CAMTA1: variants seen among roughly 807,000 people sequenced by gnomAD.
CAMTA1 encodes the protein calmodulin binding transcription activator 1, also known as calmodulin-binding transcription activator 1.
In CAMTA1, 27 loss-of-function variants were observed where a neutral mutation model predicts 170.9. The observed-to-expected ratio is 0.16, with a 90% CI of 0.12 to 0.22. CAMTA1 has a LOEUF of 0.22. Ranked by LOEUF, CAMTA1 falls within the 10% of genes least tolerant of loss-of-function variation. The pLI, the probability that CAMTA1 is intolerant of heterozygous loss-of-function variation, is 1.00. For synonymous variants in CAMTA1, 833 were observed against 891.5 expected (o/e 0.93, Z 1.17); for missense variants, 1,619 against 2,217.2 (o/e 0.73, Z 5.42).
At chr1:7,713,446 C>G (rs2096586417) in intron 11 of CAMTA1, among the ~76,000 whole-genome samples, 1 of 152,078 alleles carries the variant, frequency 6.6e-6, no homozygotes, top group Admixed American at 6.6e-5. Context: ...CCCCAGCCCC[C>G]ACCCCACAAA....
chr1:7,490,406 C>T (rs2093684622), intron 6 of CAMTA1, among the ~76,000 whole-genome samples: 1 of 152,218 alleles, frequency 6.6e-6, no homozygotes, highest in South Asian at 2.1e-4. Context: ...AATCCCAGCA[C>T]TTTGGGAGGC....
intron 4 of CAMTA1, among the ~76,000 whole-genome samples, chr1:7,190,361 C>A (rs895556701): frequency 2.6e-5 from 4 of 152,168 alleles, no homozygotes; most frequent in African/African-American, 9.7e-5. Context: ...TCTATGTACA[C>A]ATATCTCTGT....
Position 6,919,024 on chromosome 1 carries a change from G to T in CAMTA1, c.234+93814G>T, listed in dbSNP as rs1681421669. On this transcript the variant is annotated intron_variant, in intron 3 of 22. Transcript: ENST00000303635. ...CCATTTTTGAAATGAAGCCCACAGT[G>T]GTTTTGGGCTGGCGTCTTTCTGTTT... Among the ~76,000 whole-genome samples the T allele has an allele frequency of 2.0e-5, 3 of 152,140 alleles. No homozygotes were observed. The South Asian group carries it at 6.2e-4, about 32-fold the overall frequency.
At chr1:7,096,965 C>G (rs1642158686) in intron 4 of CAMTA1, among the ~76,000 whole-genome samples, 1 of 152,170 alleles carries the variant, frequency 6.6e-6, no homozygotes, top group South Asian at 2.1e-4. Context: ...CTAGGTACTG[C>G]TACAACTGGG....
intron 6 of CAMTA1, among the ~76,000 whole-genome samples, chr1:7,599,317 G>C (rs1443729266): frequency 6.6e-6 from 1 of 152,226 alleles, no homozygotes; most frequent in East Asian, 1.9e-4. Context: ...TTTGGTACCA[G>C]TACCATGCTG....
chr1:7,241,173 GA>G (rs1358732389), intron 4 of CAMTA1, among the ~76,000 whole-genome samples: 2 of 152,104 alleles, frequency 1.3e-5, no homozygotes, highest in African/African-American at 4.8e-5. Flanking sequence ...AATAAATTGA[GA>G]AAACAATTTC....
intron 4 of CAMTA1, among the ~76,000 whole-genome samples, chr1:7,247,789 C>T (rs983184758): frequency 2.6e-5 from 4 of 152,078 alleles, no homozygotes; most frequent in African/African-American, 4.8e-5. Flanking sequence ...GGGGCTGAAG[C>T]GGGAAGAGGC....
Position 7,738,131 on chromosome 1 carries a change from T to C in CAMTA1, c.3831T>C (p.Pro1277=). Residue 1277 remains proline (P), a synonymous_variant, in exon 16 of 23, where the codon CCT becomes CCC. Transcript: ENST00000303635. This position sits in a 1 kb window ranked among gnomAD's most constrained non-coding sequence, Gnocchi z 4.9. ...AGCCAAATATCAGGAAGCAAAGCCC[T>C]AGTTCTAAGCAGTCTGTCCCCGAGA... is the stretch of plus-strand genomic sequence containing the variant. The part of the protein sequence containing the change: ...LEEPNIRKQS[P]SSKQSVPETL... 1 of 1,614,106 alleles carries C rather than the reference T, an allele frequency of 6.2e-7. No individual in the cohort carries two copies. The highest frequency in any genetic ancestry group is 8.5e-7 in the Non-Finnish European group (1 of 1,180,006).
At chr1:7,713,104 G>A (rs1353134593) in intron 11 of CAMTA1, among the ~76,000 whole-genome samples, 3 of 152,198 alleles carry the variant, frequency 2.0e-5, no homozygotes, top group African/African-American at 4.8e-5. Context: ...TCTGTCAAAG[G>A]TTGTCTGAAG....
intron 5 of CAMTA1, among the ~76,000 whole-genome samples, chr1:7,336,750 C>T (rs1208496332): frequency 1.3e-5 from 2 of 152,128 alleles, no homozygotes; most frequent in African/African-American, 4.8e-5. Flanking sequence ...TTTCACGTCC[C>T]GAGGTGGGCA....
At chr1:7,513,109 A>G (rs967856832) in intron 6 of CAMTA1, among the ~76,000 whole-genome samples, 4 of 151,922 alleles carry the variant, frequency 2.6e-5, no homozygotes, top group African/African-American at 9.7e-5. Context: ...ATAGGGGAAA[A>G]GGGGAGACCA....
intron 3 of CAMTA1, among the ~76,000 whole-genome samples, chr1:6,836,782 T>C (rs1275834744): frequency 6.6e-6 from 1 of 152,096 alleles, no homozygotes; most frequent in Non-Finnish European, 1.5e-5. Context: ...GAAAAGTCAT[T>C]TGACCTAGGC....
intron 5 of CAMTA1, among the ~76,000 whole-genome samples, chr1:7,462,922 G>A (rs1268860124): frequency 2.0e-5 from 3 of 152,222 alleles, no homozygotes; most frequent in Non-Finnish European, 2.9e-5. Context: ...CCACTGTCTC[G>A]CTCTGATGAG....
chr1:7,587,968 T>C (rs1016618263), intron 6 of CAMTA1, among the ~76,000 whole-genome samples: 6 of 152,160 alleles, frequency 3.9e-5, no homozygotes, highest in African/African-American at 1.2e-4. Flanking sequence ...CAGCTGTAGC[T>C]TCTGGGAGAA....
chr1:7,199,273 G>A (rs1190390106), intron 4 of CAMTA1, among the ~76,000 whole-genome samples: 1 of 152,202 alleles, frequency 6.6e-6, no homozygotes. Flanking sequence ...GTCTGACTGT[G>A]GGAAGCAAGC....
intron 11 of CAMTA1, chr1:7,700,824 T>C (rs1008974997): frequency 2.0e-5 from 3 of 152,234 alleles, no homozygotes; most frequent in Admixed American, 1.3e-4. Context: ...CAACCAGAGA[T>C]ATTTGGTATA....
intron 3 of CAMTA1, among the ~76,000 whole-genome samples, chr1:6,875,822 A>T (rs1420600008): frequency 6.6e-6 from 1 of 152,230 alleles, no homozygotes; most frequent in African/African-American, 2.4e-5. Context: ...TTCTAGAGAG[A>T]TGGATAGGTT....
intron 6 of CAMTA1, among the ~76,000 whole-genome samples, chr1:7,638,511 G>A (rs538078927): frequency 6.0e-4 from 91 of 152,174 alleles, no homozygotes; most frequent in African/African-American, 2.0e-3. Context: ...CTGTGGTGGC[G>A]TGCACGTGTA....
chr1:7,171,427 T>C (rs1332854076), intron 4 of CAMTA1, among the ~76,000 whole-genome samples: 2 of 152,216 alleles, frequency 1.3e-5, no homozygotes, highest in Non-Finnish European at 2.9e-5. Flanking sequence ...GCTCAAATGT[T>C]ACCTCCTATT....
Sources: allele counts gnomAD v4.1 joint callset (sites outside exome capture counted in the v4.1 genomes callset), GRCh38; gene constraint gnomAD v4.1.1; non-coding constraint Gnocchi (gnomAD v3.1); transcripts MANE v1.5; gene names NCBI Gene and HGNC (gene_info 2026-07-23, HGNC 2026-07-21).